Variants in APOLD1 observed in about 807,000 individuals in gnomAD.
APOLD1 encodes the protein apolipoprotein L domain-containing protein 1.
In APOLD1, 22 loss-of-function variants were observed where a neutral mutation model predicts 15.3. The observed-to-expected ratio is 1.44, with a 90% CI of 1.03 to 2.05. The LOEUF is 2.05. APOLD1 is among the 30% of genes most tolerant of loss of function. The probability of loss-of-function intolerance (pLI) is 0.00; values close to 1 mark genes in which losing one functional copy is unlikely to be tolerated. For synonymous variants in APOLD1, 190 were observed against 167.4 expected, an observed-to-expected ratio of 1.13 and a Z score of -1.04; for missense variants, 394 against 353.5, an observed-to-expected ratio of 1.11 and a Z score of -0.92.
At chr12:12,776,311 G>A (rs2136395168) in intron 1 of APOLD1, among the ~76,000 whole-genome samples, 1 of 152,330 alleles carries the variant, frequency 6.6e-6, no homozygotes, top group East Asian at 1.9e-4. Flanking sequence ...ACAAGCAGGT[G>A]TTATAATCCA....
chr12:12,763,672 T>C (rs111524250), intron 1 of APOLD1, among the ~76,000 whole-genome samples: 5 of 152,208 alleles, frequency 3.3e-5, no homozygotes, highest in Admixed American at 1.3e-4. Flanking sequence ...GCAAACGCTA[T>C]ACCATTTTAT....
At chr12:12,785,884 T>C (rs1204618875) in intron 1 of APOLD1, among the ~76,000 whole-genome samples, 190 bp downstream of exon 1, 1 of 152,224 alleles carries the variant, frequency 6.6e-6, no homozygotes, top group Non-Finnish European at 1.5e-5. Flanking sequence ...TGATGTCTGA[T>C]GCAGGCAATT....
chr12:12,785,388 C>T (rs965302060), upstream of APOLD1, among the ~76,000 whole-genome samples: 1 of 152,192 alleles, frequency 6.6e-6, no homozygotes, highest in Non-Finnish European at 1.5e-5. Context: ...CAGGGTATCC[C>T]ACTGGGAGAA....
At chr12:12,776,557 T>C (rs1322799226) in intron 1 of APOLD1, among the ~76,000 whole-genome samples, 1 of 152,226 alleles carries the variant, frequency 6.6e-6, no homozygotes, top group Admixed American at 6.5e-5. Flanking sequence ...AATGATATAG[T>C]GTAGGTTTCA....
At chr12:12,771,784 ATATT>A (rs1456683971) in intron 1 of APOLD1, 12 of 220,076 alleles carry the variant, frequency 5.5e-5, no homozygotes, top group African/African-American at 2.8e-4. Context: ...ATAGCTATGT[ATATT>A]TATGTATAAG....
intron 1 of APOLD1, among the ~76,000 whole-genome samples, chr12:12,772,292 A>T (rs962974666): frequency 3.3e-5 from 5 of 152,212 alleles, no homozygotes; most frequent in African/African-American, 1.2e-4. Flanking sequence ...GGGTAGAGAA[A>T]GATACACCCT....
At chr12:12,775,580 A>C (rs1435775312) in intron 1 of APOLD1, among the ~76,000 whole-genome samples, 2 of 152,216 alleles carry the variant, frequency 1.3e-5, no homozygotes, top group Non-Finnish European at 2.9e-5. Flanking sequence ...TTTTGTTGCA[A>C]ATCTAAAACT....
At chr12:12,761,033 G>A (rs867490405) in intron 1 of APOLD1, among the ~76,000 whole-genome samples, 2 of 152,160 alleles carry the variant, frequency 1.3e-5, no homozygotes, top group Non-Finnish European at 2.9e-5. Context: ...CCTAAACCTA[G>A]AATGTGATAG....
exon 1 of APOLD1, chr12:12,725,935 G>A (rs1248272634): frequency 1.5e-6 from 2 of 1,326,498 alleles, no homozygotes; most frequent in Non-Finnish European, 2.0e-6. Context: ...GGCAGGCGGG[G>A]GTGCGCGGGG....
intron 1 of APOLD1, among the ~76,000 whole-genome samples, chr12:12,762,875 G>T (rs146698344): frequency 1.3e-5 from 2 of 152,084 alleles, no homozygotes; most frequent in African/African-American, 4.8e-5. Context: ...CCTGGGCGCC[G>T]TAGCTCACAC....
chr12:12,773,681 C>T (rs934386753), intron 1 of APOLD1, among the ~76,000 whole-genome samples: 7 of 152,122 alleles, frequency 4.6e-5, no homozygotes, highest in African/African-American at 7.2e-5. Context: ...AACCTCTTCC[C>T]GACTTAATAC....
chr12:12,747,272 A>G (rs1946773291), intron 1 of APOLD1, among the ~76,000 whole-genome samples: 1 of 152,178 alleles, frequency 6.6e-6, no homozygotes, highest in African/African-American at 2.4e-5. Flanking sequence ...TACCGTGTCT[A>G]GCCCACGTCT....
chr12:12,733,938 T>C (rs1372732891), intron 1 of APOLD1, among the ~76,000 whole-genome samples: 2 of 152,226 alleles, frequency 1.3e-5, no homozygotes, highest in Non-Finnish European at 2.9e-5. Context: ...TTTTTACAAT[T>C]TCTTGAACAT....
rs1189300101 is a variant in APOLD1 at position 12,787,064 on chromosome 12, C to T, written c.159C>T (p.Leu53=). The T allele has an allele frequency of 1.4e-6, 2 of 1,392,036 alleles. No individual in the cohort carries two copies. Among genetic ancestry groups the T allele is most frequent in the South Asian group, 1.6e-5 (1 of 62,034 alleles). 86.2% of individuals were successfully genotyped at this position (1,392,036 alleles called of 1,614,324 possible). ...RRLERLRRRS[L]VANVAGSSLS... is the part of the protein sequence containing the mutation. Reference sequence around the variant, plus strand: ...TGGAGCGCCTGCGCAGGCGCTCCCTCGTAGCCAACGTGGCCGGCAGCTCGC... The same window carrying T: ...TGGAGCGCCTGCGCAGGCGCTCCCTTGTAGCCAACGTGGCCGGCAGCTCGC... Residue 53 remains leucine (L), a synonymous_variant, in exon 2 of 2, where the codon CTC becomes CTT. Coordinates refer to ENST00000356591, the MANE Select transcript of APOLD1 (RefSeq NM_030817.3). The surrounding 1 kb of genome is among the most constrained non-coding windows in gnomAD (Gnocchi z 4.9).
At chr12:12,734,294 C>A (rs1175177387) in intron 1 of APOLD1, among the ~76,000 whole-genome samples, 1 of 152,226 alleles carries the variant, frequency 6.6e-6, no homozygotes, top group Admixed American at 6.5e-5. Flanking sequence ...GGGAATCCGC[C>A]TGGGAATTCA....
chr12:12,762,509 C>T (rs1946908861), intron 1 of APOLD1, among the ~76,000 whole-genome samples: 1 of 151,978 alleles, frequency 6.6e-6, no homozygotes, highest in East Asian at 1.9e-4. Context: ...CGCGCACCAC[C>T]ACACCCAGCT....
At chr12:12,764,850 C>T in intron 1 of APOLD1, 1 of 221,262 alleles carries the variant, frequency 4.5e-6, no homozygotes, top group Middle Eastern at 4.9e-4. Flanking sequence ...CTCTGCTGGG[C>T]TAACAAATAA....
intron 1 of APOLD1, among the ~76,000 whole-genome samples, chr12:12,776,022 A>AAAAAC (rs1565436431): frequency 6.7e-6 from 1 of 149,608 alleles, no homozygotes; most frequent in Non-Finnish European, 1.5e-5. Context: ...AAAAAAAAAA[A>AAAAAC]AAAACACAAC....
chr12:12,740,015 T>C (rs1400573315), intron 1 of APOLD1, among the ~76,000 whole-genome samples: 1 of 147,618 alleles, frequency 6.8e-6, no homozygotes, highest in Non-Finnish European at 1.5e-5. Flanking sequence ...GGAGACTCAC[T>C]CTGTTGCCCA....
Sources: gnomAD v4.1 joint callset for allele counts (sites outside exome capture counted in the v4.1 genomes callset) on GRCh38, gnomAD v4.1.1 for gene constraint, Gnocchi (gnomAD v3.1) non-coding constraint, MANE v1.5 for transcripts, NCBI Gene and HGNC (gene_info 2026-07-23, HGNC 2026-07-21) for gene names.